Variants in B3GALT1 observed in about 807,000 individuals in gnomAD.
B3GALT1 encodes the protein UDP-Gal:betaGlcNAc beta 1,3-galactosyltransferase, polypeptide 1.
Under a neutral mutation model 23.2 loss-of-function variants are expected in B3GALT1, and 10 were observed. The ratio of observed to expected loss-of-function variants is 0.43; its 90% CI spans 0.27 to 0.73. B3GALT1 has a LOEUF of 0.73. Ranked by LOEUF, B3GALT1 falls within the 30% of genes least tolerant of loss-of-function variation. B3GALT1 has a pLI of 0.21. For synonymous variants in B3GALT1, 156 were observed against 141.5 expected (o/e 1.10, Z -0.73); for missense variants, 299 against 405.4 (o/e 0.74, Z 2.25).
chr2:167,637,107 A>G (rs1470831686), intron 2 of B3GALT1, among the ~76,000 whole-genome samples: 1 of 151,956 alleles, frequency 6.6e-6, no homozygotes, highest in East Asian at 1.9e-4. Flanking sequence ...GCTCTCACCC[A>G]TGTCTGCAGG....
chr2:167,646,815 G>T (rs890976683), intron 2 of B3GALT1, among the ~76,000 whole-genome samples, 94 bp from the exon 3 acceptor site: 5 of 152,170 alleles, frequency 3.3e-5, no homozygotes, highest in Non-Finnish European at 7.3e-5. Flanking sequence ...TTGAAAGTGG[G>T]TGTCTATTAT....
At chr2:167,729,770 A>G (rs1687378510) in intron 3 of B3GALT1, among the ~76,000 whole-genome samples, 2 of 152,166 alleles carry the variant, frequency 1.3e-5, no homozygotes, top group South Asian at 4.1e-4. Context: ...CTTAGACTCA[A>G]AATAGATTCA....
At chr2:167,544,941 A>C (rs113313702) in intron 2 of B3GALT1, among the ~76,000 whole-genome samples, 1 of 151,858 alleles carries the variant, frequency 6.6e-6, no homozygotes, top group African/African-American at 2.4e-5. Flanking sequence ...CAAGATTTAT[A>C]AAAGCGAAAG....
At chr2:167,623,353 C>T (rs976748206) in intron 2 of B3GALT1, among the ~76,000 whole-genome samples, 1 of 152,038 alleles carries the variant, frequency 6.6e-6, no homozygotes, top group African/African-American at 2.4e-5. Flanking sequence ...TAGAACCAAC[C>T]CAAATGCCCA....
At chr2:167,302,333 A>T (rs565164882) in intron 1 of B3GALT1, among the ~76,000 whole-genome samples, 1 of 152,250 alleles carries the variant, frequency 6.6e-6, no homozygotes, top group East Asian at 1.9e-4. Flanking sequence ...AATGATCATT[A>T]AAAAAATCTA....
At chr2:167,822,741 A>G (rs908352486) in intron 4 of B3GALT1, among the ~76,000 whole-genome samples, 4 of 152,098 alleles carry the variant, frequency 2.6e-5, no homozygotes, top group Non-Finnish European at 4.4e-5. Context: ...TTATTCTTCA[A>G]GCCCCACTCA....
intron 3 of B3GALT1, among the ~76,000 whole-genome samples, chr2:167,772,329 G>A (rs1404663532): frequency 6.6e-6 from 1 of 152,182 alleles, no homozygotes; most frequent in Non-Finnish European, 1.5e-5. Context: ...CAGTGTCATT[G>A]AGGGTTTTTG....
intron 3 of B3GALT1, chr2:167,714,164 G>C: frequency 6.6e-7 from 1 of 1,519,800 alleles, no homozygotes; most frequent in South Asian, 1.1e-5. Context: ...TGCTGGTCCA[G>C]ACAGTCTATC....
At chr2:167,484,329 A>G (rs1161071816) in intron 1 of B3GALT1, among the ~76,000 whole-genome samples, 2 of 152,316 alleles carry the variant, frequency 1.3e-5, no homozygotes, top group South Asian at 2.1e-4. Flanking sequence ...AAGTATTTAA[A>G]AAGGTTTATT....
At chr2:167,647,658 G>T (rs1193477691) in intron 3 of B3GALT1, among the ~76,000 whole-genome samples, 10 of 152,110 alleles carry the variant, frequency 6.6e-5, no homozygotes, top group Admixed American at 6.6e-4. Context: ...ATTAAGATAT[G>T]CATCTGGGCT....
intron 1 of B3GALT1, among the ~76,000 whole-genome samples, chr2:167,391,225 G>C (rs1398764478): frequency 1.3e-5 from 2 of 152,212 alleles, no homozygotes; most frequent in Non-Finnish European, 2.9e-5. Context: ...TACTAGGCAG[G>C]TGAGTGATGA....
At chr2:167,432,926 A>G (rs968766160) in intron 1 of B3GALT1, among the ~76,000 whole-genome samples, 5 of 152,162 alleles carry the variant, frequency 3.3e-5, no homozygotes, top group Admixed American at 6.5e-5. Flanking sequence ...CTACATTGAC[A>G]CATGAATATC....
At chr2:167,604,936 C>G (rs540223761) in intron 2 of B3GALT1, among the ~76,000 whole-genome samples, 2 of 152,214 alleles carry the variant, frequency 1.3e-5, no homozygotes, top group African/African-American at 4.8e-5. Context: ...AATATATTCT[C>G]TGTCCTGCTT....
At chr2:167,486,715 A>T (rs959445290) in intron 1 of B3GALT1, among the ~76,000 whole-genome samples, 8 of 152,298 alleles carry the variant, frequency 5.3e-5, no homozygotes, top group Middle Eastern at 3.4e-3. Context: ...AGAACAAATT[A>T]AAAAAATTTA....
chr2:167,425,911 G>T (rs1001571039), intron 1 of B3GALT1, among the ~76,000 whole-genome samples: 21 of 152,208 alleles, frequency 1.4e-4, no homozygotes, highest in African/African-American at 4.6e-4. Context: ...AAAAAATATT[G>T]TTCTGACATC....
At chr2:167,339,238 A>G (rs1039446326) in intron 1 of B3GALT1, among the ~76,000 whole-genome samples, 3 of 152,212 alleles carry the variant, frequency 2.0e-5, no homozygotes, top group African/African-American at 2.4e-5. Flanking sequence ...CAAAAATTGT[A>G]TATATCAACA....
At chr2:167,678,570 G>C (rs1042305655) in intron 3 of B3GALT1, among the ~76,000 whole-genome samples, 1 of 140,472 alleles carries the variant, frequency 7.1e-6, no homozygotes, top group East Asian at 2.1e-4. Context: ...CAGAAATGCT[G>C]TTGAAAAAAA....
intron 2 of B3GALT1, among the ~76,000 whole-genome samples, chr2:167,563,989 C>T (rs1302728949): frequency 6.9e-6 from 1 of 143,960 alleles, no homozygotes; most frequent in Non-Finnish European, 1.5e-5. Context: ...GGGCAGCCGG[C>T]CGGACGGGGG....
intron 4 of B3GALT1, among the ~76,000 whole-genome samples, chr2:167,855,898 C>A (rs1348714525): frequency 6.6e-6 from 1 of 151,982 alleles, no homozygotes; most frequent in Non-Finnish European, 1.5e-5. Context: ...ACCATCTGTT[C>A]AGAACTTACT....
Sources: gnomAD v4.1 joint callset for allele counts (sites outside exome capture counted in the v4.1 genomes callset) on GRCh38, gnomAD v4.1.1 for gene constraint, MANE v1.5 for transcripts, NCBI Gene and HGNC (gene_info 2026-07-23, HGNC 2026-07-21) for gene names.